The following HABP2 variants were observed in gnomAD, a reference collection of about 807,000 sequenced individuals.
HABP2 encodes the protein hyaluronan binding protein 2, also known as factor VII-activating protease.
Under a neutral mutation model 66.5 loss-of-function variants are expected in HABP2, and 65 were observed. The observed-to-expected ratio is 0.98, with a 90% CI of 0.80 to 1.20. HABP2 has a LOEUF of 1.20. Ranked by LOEUF, HABP2 falls within the 50% of genes most tolerant of loss-of-function variation. The pLI is 0.00. For synonymous variants in HABP2, 263 were observed against 253.9 expected, an observed-to-expected ratio of 1.04 and a Z score of -0.34; for missense variants, 786 against 691.0, an observed-to-expected ratio of 1.14 and a Z score of -1.54.
chr10:113,557,811 T>C (rs1252576833), intron 1 of HABP2, among the ~76,000 whole-genome samples: 1 of 152,246 alleles, frequency 6.6e-6, no homozygotes, highest in Non-Finnish European at 1.5e-5. Flanking sequence ...ATTTGCCAGA[T>C]GTGGCATGCT....
rs1304239291 is a variant in HABP2 at position 113,574,537 on chromosome 10, T to C, written c.223+132T>C. On this transcript the variant is annotated intron_variant, in intron 3 of 12. Coordinates refer to ENST00000351270, the MANE Select transcript of HABP2 (RefSeq NM_004132.5). ...TGAAATAGCTATGGAAGAAATTATT[T>C]GGACTGGCTTTTTTTTCTGTTAGAT... 3.5e-5 allele frequency: 21 copies of C among 592,776 alleles called. 1 individual carries two copies. The highest frequency in any genetic ancestry group is 4.5e-5 in the Non-Finnish European group (15 of 330,590). The allele number at this position is 592,776 out of a possible 1,614,324, so 36.7% of individuals were successfully genotyped here. A position where few individuals can be genotyped will look rare whatever the true frequency, so the allele number is the denominator to read the frequency against.
At chr10:113,563,422 G>A (rs1401292051) in intron 1 of HABP2, among the ~76,000 whole-genome samples, 1 of 152,078 alleles carries the variant, frequency 6.6e-6, no homozygotes, top group African/African-American at 2.4e-5. Context: ...CCAGGTGTTC[G>A]GACTACCAGT....
At chr10:113,565,289 G>A (rs770509673) in intron 1 of HABP2, among the ~76,000 whole-genome samples, 2 of 152,168 alleles carry the variant, frequency 1.3e-5, no homozygotes, top group Non-Finnish European at 2.9e-5. Context: ...TCCATTTTGT[G>A]TTGCTACAAA....
chr10:113,574,289 A>G lies in HABP2; in HGVS notation c.107A>G (p.Asp36Gly). Residue 36 changes from aspartate to glycine, a missense_variant and splice_region_variant, in exon 3 of 13, where the codon GAC becomes GGC. By Grantham distance (94) the Asp-to-Gly change is moderately conservative. Transcript: ENST00000351270. ...LMSLLESLDP[D>G]WTPDQYDYSY... is the part of the protein sequence containing the mutation. The stretch of plus-strand genomic sequence containing the variant: ...TTCTGTCCTGTTACCATCCCTGCAG[A>G]CTGGACCCCTGACCAGTATGATTAC... 1 of 1,515,366 alleles carries G rather than the reference A, an allele frequency of 6.6e-7. No homozygotes were observed. Among genetic ancestry groups the G allele is most frequent in the Non-Finnish European group, 9.2e-7 (1 of 1,089,806 alleles). The allele number at this position is 1,515,366 out of a possible 1,614,324, so 93.9% of individuals were successfully genotyped here.
intron 4 of HABP2, 142 bp downstream of exon 4, chr10:113,576,146 T>C: frequency 1.6e-6 from 1 of 609,196 alleles, no homozygotes; most frequent in Non-Finnish European, 2.9e-6. Flanking sequence ...CTCTGCAGGG[T>C]CCCAGGCAGC....
intron 8 of HABP2, among the ~76,000 whole-genome samples, 189 bp from the exon 9 acceptor site, chr10:113,581,687 T>C (rs991908212): frequency 5.3e-5 from 8 of 152,266 alleles, no homozygotes; most frequent in African/African-American, 1.9e-4. Context: ...ACTTGCTTTA[T>C]GTTACGCAAT....
intron 1 of HABP2, among the ~76,000 whole-genome samples, chr10:113,564,843 T>G (rs1413791256): frequency 7.8e-6 from 1 of 128,212 alleles, no homozygotes; most frequent in Non-Finnish European, 1.6e-5. Flanking sequence ...TCACCACGCA[T>G]CTCTCTCTTT....
intron 11 of HABP2, among the ~76,000 whole-genome samples, chr10:113,584,934 C>A (rs1254601413): frequency 6.6e-6 from 1 of 152,090 alleles, no homozygotes; most frequent in Non-Finnish European, 1.5e-5. Flanking sequence ...CAACATTATA[C>A]CCACTACTAC....
intron 11 of HABP2, 42 bp from the exon 12 acceptor site, chr10:113,585,751 G>T (rs749847926): frequency 6.4e-7 from 1 of 1,560,598 alleles, no homozygotes; most frequent in African/African-American, 1.4e-5. Flanking sequence ...TGCCACCCTG[G>T]TCCCCACAGT....
intron 1 of HABP2, among the ~76,000 whole-genome samples, chr10:113,555,209 C>T (rs1263094190): frequency 1.3e-5 from 2 of 152,354 alleles, no homozygotes; most frequent in African/African-American, 4.8e-5. Context: ...AGAAGTAATT[C>T]CTACTATGCT....
At chr10:113,556,648 G>C (rs1212577486) in intron 1 of HABP2, among the ~76,000 whole-genome samples, 1 of 151,794 alleles carries the variant, frequency 6.6e-6, no homozygotes, top group Non-Finnish European at 1.5e-5. Context: ...CCAGGAGGTA[G>C]AGATTGCAAT....
intron 1 of HABP2, among the ~76,000 whole-genome samples, chr10:113,554,742 T>G (rs954736919): frequency 6.6e-6 from 1 of 152,204 alleles, no homozygotes; most frequent in African/African-American, 2.4e-5. Context: ...ACACGGTATG[T>G]TTGAAGTTCA....
upstream of HABP2, chr10:113,550,917 C>T (rs781043668): frequency 6.6e-6 from 1 of 152,422 alleles, no homozygotes; most frequent in Non-Finnish European, 1.5e-5. Context: ...ACATCTGCCT[C>T]CTTCATCCCC....
chr10:113,573,408 A>T (rs1845349345), intron 2 of HABP2, among the ~76,000 whole-genome samples: 1 of 152,250 alleles, frequency 6.6e-6, no homozygotes, highest in Non-Finnish European at 1.5e-5. Flanking sequence ...CAGGCTGGAT[A>T]GTCAATGGGG....
intron 12 of HABP2, 77 bp from the exon 13 acceptor site, chr10:113,588,128 A>C: frequency 8.1e-7 from 1 of 1,239,212 alleles, no homozygotes; most frequent in Non-Finnish European, 1.1e-6. Context: ...CCTCCCTGAC[A>C]CCCCCTGGAG....
chr10:113,572,229 C>T (rs1845327706), intron 2 of HABP2, among the ~76,000 whole-genome samples: 1 of 152,236 alleles, frequency 6.6e-6, no homozygotes, highest in South Asian at 2.1e-4. Flanking sequence ...TCTTTGGCTT[C>T]ACTGAGAGGT....
intron 1 of HABP2, among the ~76,000 whole-genome samples, chr10:113,558,679 C>G (rs1225878740): frequency 6.6e-6 from 1 of 152,216 alleles, no homozygotes; most frequent in Non-Finnish European, 1.5e-5. Context: ...CCACGGAAAG[C>G]GCAGGAGTGA....
chr10:113,563,904 A>G (rs994777023), intron 1 of HABP2, among the ~76,000 whole-genome samples: 7 of 152,218 alleles, frequency 4.6e-5, no homozygotes, highest in African/African-American at 1.4e-4. Context: ...AAGGCAAGGC[A>G]GGGAGCAAAG....
intron 10 of HABP2, among the ~76,000 whole-genome samples, chr10:113,583,786 G>A (rs879594825): frequency 2.0e-5 from 3 of 152,184 alleles, no homozygotes; most frequent in Non-Finnish European, 4.4e-5. Context: ...CAGTGCAAAT[G>A]CAATGACGTT....
Sources: allele counts gnomAD v4.1 joint callset (sites outside exome capture counted in the v4.1 genomes callset), GRCh38; gene constraint gnomAD v4.1.1; transcripts MANE v1.5; gene names NCBI Gene and HGNC (gene_info 2026-07-23, HGNC 2026-07-21).